Variants in WWOX observed in about 807,000 individuals in gnomAD.
WWOX encodes the protein WW domain containing oxidoreductase, also known as WW domain-containing oxidoreductase.
A neutral mutation model predicts 46.2 loss-of-function variants in WWOX; 69 were observed. The ratio of observed to expected loss-of-function variants is 1.49; its 90% confidence interval spans 1.23 to 1.82. WWOX has a LOEUF of 1.82. Among genes scored for constraint, WWOX ranks in the 40% most tolerant of loss-of-function variants. The probability of loss-of-function intolerance (pLI) is 0.00; values close to 1 mark genes in which losing one functional copy is unlikely to be tolerated. For synonymous variants in WWOX, 359 were observed against 202.6 expected (o/e 1.77, Z -6.56); for missense variants, 919 against 542.6 (o/e 1.69, Z -6.89).
intron 8 of WWOX, among the ~76,000 whole-genome samples, chr16:78,985,221 C>T (rs545077900): frequency 2.4e-4 from 37 of 152,310 alleles, no homozygotes; most frequent in African/African-American, 8.7e-4. Context: ...GCTCCATTTC[C>T]TGTTGATCAT....
At chr16:79,143,065 C>T (rs745870083) in intron 8 of WWOX, among the ~76,000 whole-genome samples, 11 of 152,038 alleles carry the variant, frequency 7.2e-5, no homozygotes, top group East Asian at 5.8e-4. Context: ...GGAAAGAGAA[C>T]GCTCATAGAA....
intron 8 of WWOX, among the ~76,000 whole-genome samples, chr16:78,676,402 T>TA (rs2047600899): frequency 7.7e-6 from 1 of 129,510 alleles, no homozygotes; most frequent in African/African-American, 3.7e-5. Context: ...CCATATTTAC[T>TA]ATTTTTTTTT....
intron 8 of WWOX, chr16:78,897,371 A>G (rs1223002915): frequency 6.6e-6 from 1 of 151,178 alleles, no homozygotes; most frequent in Non-Finnish European, 1.5e-5. Context: ...TGTTTCAATC[A>G]TTGTAACTTT....
intron 8 of WWOX, among the ~76,000 whole-genome samples, chr16:78,574,833 G>T (rs2044808820): frequency 6.7e-6 from 1 of 149,028 alleles, no homozygotes; most frequent in African/African-American, 2.5e-5. Context: ...TTGATCTAAG[G>T]GTTCAAACTT....
At chr16:78,367,808 G>A (rs2081574456) in intron 5 of WWOX, among the ~76,000 whole-genome samples, 1 of 151,870 alleles carries the variant, frequency 6.6e-6, no homozygotes, top group Non-Finnish European at 1.5e-5. Context: ...CCAGGCTGGA[G>A]TGCAGTGGTG....
chr16:78,240,299 C>G (rs1405895916), intron 5 of WWOX, among the ~76,000 whole-genome samples: 1 of 150,894 alleles, frequency 6.6e-6, no homozygotes, highest in African/African-American at 2.4e-5. Context: ...GGCAATATAG[C>G]AAGACCCCAT....
intron 8 of WWOX, among the ~76,000 whole-genome samples, chr16:79,028,626 G>A (rs1014409372): frequency 1.3e-5 from 2 of 151,078 alleles, no homozygotes; most frequent in Admixed American, 1.3e-4. Flanking sequence ...CCTGAATTAG[G>A]GTATGTTTTG....
intron 8 of WWOX, among the ~76,000 whole-genome samples, chr16:78,479,003 G>T (rs903385964): frequency 2.0e-5 from 3 of 151,982 alleles, no homozygotes; most frequent in African/African-American, 7.2e-5. Context: ...TGATCAACAA[G>T]GCATATTGCC....
chr16:79,187,160 T>C (rs2051032853), intron 8 of WWOX, among the ~76,000 whole-genome samples: 1 of 152,140 alleles, frequency 6.6e-6, no homozygotes, highest in African/African-American at 2.4e-5. Flanking sequence ...CACTTACGAA[T>C]TGAATGACTT....
chr16:78,740,557 C>T (rs190176629), intron 8 of WWOX, among the ~76,000 whole-genome samples: 2 of 152,248 alleles, frequency 1.3e-5, no homozygotes, highest in Non-Finnish European at 2.9e-5. Flanking sequence ...GAGGGGGATT[C>T]CACAGTGTGT....
At chr16:78,534,560 C>T (rs2043711095) in intron 8 of WWOX, 1 of 152,128 alleles carries the variant, frequency 6.6e-6, no homozygotes. Flanking sequence ...GAAGGTATGA[C>T]AAACATTCTG....
rs72799910 is a variant in WWOX, at chr16:78,443,670, A to G, written c.1056+10918A>G. 2.1e-3 allele frequency among the ~76,000 whole-genome samples: 313 copies of G among 152,316 alleles called. 1 individual carries two copies. The highest frequency in any genetic ancestry group is 3.6e-3 in the Non-Finnish European group (244 of 68,028). ...ATGTGTAACAAATTATTTAATGAAC[A>G]TTTAACCAAGATTTGCAATTCCCCT... On this transcript the variant is annotated intron_variant, in intron 8 of 8. Coordinates refer to ENST00000566780, the MANE Select transcript of WWOX (RefSeq NM_016373.4).
At chr16:78,579,913 C>G (rs951177987) in intron 8 of WWOX, among the ~76,000 whole-genome samples, 1 of 152,096 alleles carries the variant, frequency 6.6e-6, no homozygotes, top group African/African-American at 2.4e-5. Context: ...TCACTCCGAG[C>G]CATCGACTTC....
rs551768136 is a variant in WWOX at position 78,155,197 on chromosome 16, A to G, written c.410-8986A>G. Among the ~76,000 whole-genome samples the G allele has an allele frequency of 2.6e-5, 4 of 152,020 alleles. No homozygotes were observed. In the South Asian group the frequency reaches 8.4e-4, roughly 32 times the overall value. ...GAGAGGTTGGAAGGGAGAGAGAGAA[A>G]GAAGGAGCAAAGGAGAAAAGAAAGG... On this transcript the variant is annotated intron_variant, in intron 4 of 8. Transcript: ENST00000566780.
chr16:79,111,966 A>T (rs1567557748), intron 8 of WWOX, among the ~76,000 whole-genome samples: 1 of 152,104 alleles, frequency 6.6e-6, no homozygotes, highest in Non-Finnish European at 1.5e-5. Flanking sequence ...GAGTTGTCTC[A>T]TAGGACCCTG....
chr16:78,499,505 T>C (rs574910149), intron 8 of WWOX, among the ~76,000 whole-genome samples: 15 of 152,326 alleles, frequency 9.8e-5, no homozygotes, highest in Admixed American at 5.9e-4. Flanking sequence ...CTTTGGCAAC[T>C]AGCAGCGACT....
At chr16:78,860,042 A>C (rs2052679640) in intron 8 of WWOX, among the ~76,000 whole-genome samples, 1 of 152,232 alleles carries the variant, frequency 6.6e-6, no homozygotes, top group African/African-American at 2.4e-5. Flanking sequence ...TAGTTCTCAA[A>C]AGAAAAATTG....
At chr16:78,399,625 C>T (rs1195516690) in intron 6 of WWOX, among the ~76,000 whole-genome samples, 1 of 152,136 alleles carries the variant, frequency 6.6e-6, no homozygotes, top group African/African-American at 2.4e-5. Context: ...GTCAGGGTTT[C>T]AACATTTGGT....
intron 8 of WWOX, among the ~76,000 whole-genome samples, chr16:78,494,254 A>C (rs1200012860): frequency 6.6e-6 from 1 of 152,170 alleles, no homozygotes; most frequent in East Asian, 1.9e-4. Context: ...GATCCCGTCT[A>C]GTTCCTGCAG....
Sources: gnomAD v4.1 joint callset for allele counts (sites outside exome capture counted in the v4.1 genomes callset) on GRCh38, gnomAD v4.1.1 for gene constraint, MANE v1.5 for transcripts, NCBI Gene and HGNC (gene_info 2026-07-23, HGNC 2026-07-21) for gene names.